The following NDUFB9 variants were observed in gnomAD, a reference collection of about 807,000 sequenced individuals.
NDUFB9 encodes NADH:ubiquinone oxidoreductase subunit B9.
In NDUFB9, 24 loss-of-function variants were observed where a neutral mutation model predicts 30.2. The observed-to-expected ratio is 0.80, with a 90% CI of 0.58 to 1.12. The LOEUF (loss-of-function observed/expected upper bound fraction) is 1.12, where lower values mean the gene tolerates loss of function less well. NDUFB9 is among the 50% of genes most tolerant of loss of function. NDUFB9 has a pLI of 0.00. For missense variants in NDUFB9, 204 were observed against 226.0 expected, an observed-to-expected ratio of 0.90 and a Z score of 0.62; for synonymous variants, 80 against 84.0, an observed-to-expected ratio of 0.95 and a Z score of 0.26.
chr8:124,541,057 T>C (rs935429330), intron 1 of NDUFB9, among the ~76,000 whole-genome samples: 3 of 152,006 alleles, frequency 2.0e-5, no homozygotes, highest in Non-Finnish European at 4.4e-5. Flanking sequence ...TCCCAGCTAC[T>C]CATGAGGCTG....
At chr8:124,547,916 T>C (rs1308943769) in intron 3 of NDUFB9, among the ~76,000 whole-genome samples, 1 of 151,316 alleles carries the variant, frequency 6.6e-6, no homozygotes, top group African/African-American at 2.4e-5. Flanking sequence ...TCCCAGGAGG[T>C]GGAGGTTGCA....
intron 3 of NDUFB9, 148 bp from the exon 4 acceptor site, chr8:124,549,613 G>A: frequency 4.0e-6 from 3 of 755,292 alleles, no homozygotes; most frequent in East Asian, 2.7e-5. Flanking sequence ...GCAGGTATAT[G>A]TAAAAAACAC....
rs200794750 is a variant in NDUFB9, at chr8:124,543,115, A to C, written c.130A>C (p.Met44Leu). Residue 44 changes from methionine (M) to leucine (L), a missense_variant, in exon 2 of 4, where the codon ATG becomes CTG. Met to Leu is a conservative substitution (Grantham distance 15). Transcript: ENST00000276689. ...RDKYRYFACL[M>L]RARFEEHKNE... ...CAAATACCGATACTTTGCTTGTTTG[A>C]TGAGAGCCCGGTTTGAAGAACATAA... 4.5e-5 allele frequency: 73 copies of C among 1,614,088 alleles called. No homozygotes were observed. The highest frequency in any genetic ancestry group is 6.0e-5 in the Non-Finnish European group (71 of 1,180,046).
intron 2 of NDUFB9, among the ~76,000 whole-genome samples, chr8:124,545,355 A>G (rs1334171686): frequency 6.6e-6 from 1 of 152,198 alleles, no homozygotes; most frequent in African/African-American, 2.4e-5. Context: ...AGGAAGAGTC[A>G]GTTGATGTCG....
chr8:124,547,259 T>A (rs1822186080), intron 3 of NDUFB9, 146 bp downstream of exon 3: 1 of 720,406 alleles, frequency 1.4e-6, no homozygotes, highest in Admixed American at 2.0e-5. Context: ...AGTGTATCAA[T>A]TTAACATTTA....
intron 1 of NDUFB9, among the ~76,000 whole-genome samples, chr8:124,541,299 T>G (rs1821975527): frequency 6.6e-6 from 1 of 152,220 alleles, no homozygotes; most frequent in South Asian, 2.1e-4. Flanking sequence ...ATTCCCTGCC[T>G]CCGCTAATGG....
Position 124,546,990 on chromosome 8 carries a change from C to T in NDUFB9, c.295-10C>T, listed in dbSNP as rs368838216. 1 of 1,592,246 alleles carries T rather than the reference C, an allele frequency of 6.3e-7. No homozygotes were observed. Among genetic ancestry groups the T allele is most frequent in the African/African-American group, 1.3e-5 (1 of 74,548 alleles). On this transcript the variant is annotated splice_polypyrimidine_tract_variant and intron_variant, in intron 2 of 3. Coordinates refer to ENST00000276689, the MANE Select transcript of NDUFB9 (RefSeq NM_005005.3). Reference sequence around the variant, plus strand: ...CTGTGGATTGATACCATGATTTCCTCTCCTGACAGGTCCCAGAATGGTGCT... The same window carrying T: ...CTGTGGATTGATACCATGATTTCCTTTCCTGACAGGTCCCAGAATGGTGCT...
chr8:124,542,841 A>ATTTCCTTT, intron 1 of NDUFB9: 1 of 261,616 alleles, frequency 3.8e-6, no homozygotes. Flanking sequence ...TTAAATCCTC[A>ATTTCCTTT]TTCCATTGTT....
intron 3 of NDUFB9, chr8:124,547,529 T>C: frequency 2.2e-6 from 1 of 452,764 alleles, no homozygotes; most frequent in Non-Finnish European, 4.0e-6. Flanking sequence ...AGAGAGACCC[T>C]TCTAGGATTA....
chr8:124,540,573 G>A (rs1055660283), intron 1 of NDUFB9, among the ~76,000 whole-genome samples: 1 of 152,068 alleles, frequency 6.6e-6, no homozygotes, highest in Non-Finnish European at 1.5e-5. Flanking sequence ...GTCAAAAAAA[G>A]TTAAACATGA....
chr8:124,547,781 C>T (rs1201540412), intron 3 of NDUFB9, among the ~76,000 whole-genome samples: 1 of 151,914 alleles, frequency 6.6e-6, no homozygotes, highest in East Asian at 1.9e-4. Context: ...GAGTTCATGA[C>T]GACCAGCCTG....
chr8:124,542,597 T>C (rs1217169990), intron 1 of NDUFB9, among the ~76,000 whole-genome samples: 1 of 152,236 alleles, frequency 6.6e-6, no homozygotes, highest in Non-Finnish European at 1.5e-5. Flanking sequence ...CCTAAGTTTA[T>C]GCAGCTAGTG....
In NDUFB9 at chr8:124,549,756, T is replaced by C; in HGVS notation, c.409-5T>C. ...GGTAATGATTCCTTCCTTGCCTCCTTCTAGGTTAAGCAGCTGCAGGAGGAA... is the reference window on the plus strand; with the variant it reads ...GGTAATGATTCCTTCCTTGCCTCCTCCTAGGTTAAGCAGCTGCAGGAGGAA... On this transcript the variant is annotated splice_polypyrimidine_tract_variant and splice_region_variant and intron_variant, in intron 3 of 3. Transcript: ENST00000276689. 8 of 1,613,914 alleles carry C rather than the reference T, an allele frequency of 5.0e-6. No homozygotes were observed. Among genetic ancestry groups the C allele is most frequent in the East Asian group, 2.2e-5 (1 of 44,886 alleles).
chr8:124,548,208 A>G (rs1446509439), intron 3 of NDUFB9, among the ~76,000 whole-genome samples: 1 of 152,194 alleles, frequency 6.6e-6, no homozygotes, highest in African/African-American at 2.4e-5. Context: ...CCCAGGAGAG[A>G]TTTGGCCTAG....
Position 124,547,104 on chromosome 8 carries a change from G to C in NDUFB9, c.399G>C (p.Trp133Cys). The C allele has an allele frequency of 6.2e-7, 1 of 1,612,076 alleles. No individual in the cohort carries two copies. The highest frequency in any genetic ancestry group is 8.5e-7 in the Non-Finnish European group (1 of 1,178,292). The change falls in exon 3 of 4, where the codon TGG (tryptophan) becomes TGC (cysteine). Residue 133 changes from tryptophan (W) to cysteine (C), a missense_variant. Physicochemically the swap from Trp to Cys is radical, Grantham distance 215. Transcript: ENST00000276689. ...GGAAGAAACTGCGGAGGGAAAGCTG[G>C]GAACGAGAGGTGCGTTCTACTTGTA... Reference protein sequence around the residue: ...EQWKKLRRESWEREVKQLQEE... With the variant: ...EQWKKLRRESCEREVKQLQEE...
Position 124,549,892 on chromosome 8 carries a change from G to A in NDUFB9, c.540G>A (p.Ter180=). 6.2e-7 allele frequency: 1 copy of A among 1,614,194 alleles called. No individual in the cohort carries two copies. The highest frequency in any genetic ancestry group is 1.1e-5 in the South Asian group (1 of 91,082). The change falls in exon 4 of 4, where the codon TAG becomes TAA. Residue 180 remains the stop codon, a stop_retained_variant. Coordinates refer to ENST00000276689, the MANE Select transcript of NDUFB9 (RefSeq NM_005005.3). ...IVTRPRERPM[*] ...CCAGACCCCGGGAGCGGCCCATGTA[G>A]AAAGAGAGAGACCTCATCTTTCATG...
chr8:124,542,807 C>CTTTTT (rs58685573), intron 1 of NDUFB9: 270 of 204,048 alleles, frequency 1.3e-3, no homozygotes, highest in African/African-American at 1.9e-3. Flanking sequence ...ATGCTCTTTT[C>CTTTTT]TTTTTTTTTT....
At chr8:124,548,698 G>C (rs1822229751) in intron 3 of NDUFB9, among the ~76,000 whole-genome samples, 1 of 152,184 alleles carries the variant, frequency 6.6e-6, no homozygotes, top group South Asian at 2.1e-4. Context: ...TTATTCGAAA[G>C]GAAGCTGTTG....
At chr8:124,541,635 CT>C (rs1289637390) in intron 1 of NDUFB9, among the ~76,000 whole-genome samples, 3 of 152,174 alleles carry the variant, frequency 2.0e-5, no homozygotes, top group Admixed American at 6.5e-5. Context: ...CGGAGTTTCG[CT>C]TATGTTGCCC....
Sources: allele counts gnomAD v4.1 joint callset (sites outside exome capture counted in the v4.1 genomes callset), GRCh38; gene constraint gnomAD v4.1.1; transcripts MANE v1.5; gene names NCBI Gene and HGNC (gene_info 2026-07-23, HGNC 2026-07-21).